NKAIN2: variants seen among roughly 807,000 people sequenced by gnomAD.
NKAIN2 encodes the protein sodium/potassium-transporting ATPase subunit beta-1-interacting protein 2.
Under a neutral mutation model 32.6 loss-of-function variants are expected in NKAIN2, and 14 were observed. The observed-to-expected ratio is 0.43, with a 90% CI of 0.28 to 0.67. NKAIN2 has a LOEUF of 0.67. Ranked by LOEUF, NKAIN2 falls within the 30% of genes least tolerant of loss-of-function variation. The pLI is 0.17. For missense variants in NKAIN2, 198 were observed against 258.3 expected, an observed-to-expected ratio of 0.77 and a Z score of 1.60; for synonymous variants, 80 against 87.2, an observed-to-expected ratio of 0.92 and a Z score of 0.46.
chr6:124,436,803 T>G (rs550521170), intron 3 of NKAIN2, among the ~76,000 whole-genome samples: 2 of 152,296 alleles, frequency 1.3e-5, no homozygotes, highest in South Asian at 4.1e-4. Context: ...TTTGAAAGTT[T>G]AAGCCAGAAC....
At chr6:123,960,290 C>G (rs1012065212) in intron 1 of NKAIN2, among the ~76,000 whole-genome samples, 3 of 152,186 alleles carry the variant, frequency 2.0e-5, no homozygotes, top group Admixed American at 1.3e-4. Flanking sequence ...GCATCCATCT[C>G]CACATTTCCA....
In NKAIN2 at chr6:124,469,211, A is replaced by G. The variant is rs61245912; in HGVS notation, c.273+113864A>G. On this transcript the variant is annotated intron_variant, in intron 3 of 6. Transcript: ENST00000368417. ...ACTGTTGCTTACAAAGTATTCCCTT[A>G]GGTGATTTCTTTCTTTCCTTTTTCT... is the stretch of plus-strand genomic sequence containing the variant. Among the ~76,000 whole-genome samples, 1,459 of 152,282 alleles carry G rather than the reference A, an allele frequency of 9.6e-3. 20 individuals carry two copies. The highest frequency in any genetic ancestry group is 0.033 in the African/African-American group (1,390 of 41,566).
chr6:123,963,437 G>C (rs190122560), intron 1 of NKAIN2, among the ~76,000 whole-genome samples: 118 of 152,284 alleles, frequency 7.7e-4, no homozygotes, highest in Admixed American at 2.8e-3. Context: ...AAAAGCAATT[G>C]TCCAGAGAGT....
At chr6:124,707,448 G>T (rs2114589676) in intron 4 of NKAIN2, among the ~76,000 whole-genome samples, 1 of 150,504 alleles carries the variant, frequency 6.6e-6, no homozygotes, top group African/African-American at 2.5e-5. Context: ...CTAGTTTACA[G>T]TCCCACCAAC....
intron 1 of NKAIN2, among the ~76,000 whole-genome samples, chr6:123,948,710 A>G (rs1289041434): frequency 2.2e-5 from 3 of 139,068 alleles, no homozygotes; most frequent in Admixed American, 7.7e-5. Flanking sequence ...CATTGAGCAG[A>G]TTTTCTCTTT....
At chr6:124,213,834 A>T (rs1791317181) in intron 1 of NKAIN2, among the ~76,000 whole-genome samples, 8 of 152,160 alleles carry the variant, frequency 5.3e-5, no homozygotes, top group Admixed American at 4.6e-4. Flanking sequence ...TAGGATGAAC[A>T]AGTGTATTCC....
rs71021483 is a variant in NKAIN2, at chr6:124,229,533, T to TAGAC, written c.55-53445_55-53442dup. Among the ~76,000 whole-genome samples the TAGAC allele has an allele frequency of 8.8e-4, 131 of 149,170 alleles. 1 individual carries two copies. Among genetic ancestry groups the TAGAC allele is most frequent in the South Asian group, 5.7e-3 (27 of 4,746 alleles). ...ATAGATAGATAGATAGATAGATAGA[T>TAGAC]AGACAGACAGACAGACAGACAGACA... On this transcript the variant is annotated intron_variant, in intron 1 of 6. Transcript: ENST00000368417.
At chr6:124,144,306 G>A (rs1025644131) in intron 1 of NKAIN2, among the ~76,000 whole-genome samples, 3 of 152,128 alleles carry the variant, frequency 2.0e-5, no homozygotes, top group African/African-American at 2.4e-5. Flanking sequence ...CTAACAAGTC[G>A]GACTTCAGAG....
At chr6:124,078,230 A>G (rs1783788719) in intron 1 of NKAIN2, among the ~76,000 whole-genome samples, 1 of 152,182 alleles carries the variant, frequency 6.6e-6, no homozygotes, top group Non-Finnish European at 1.5e-5. Context: ...TTCTGCATGA[A>G]TGGACTATTC....
At chr6:124,079,949 A>T (rs1272761378) in intron 1 of NKAIN2, among the ~76,000 whole-genome samples, 1 of 152,042 alleles carries the variant, frequency 6.6e-6, no homozygotes, top group Non-Finnish European at 1.5e-5. Context: ...GGAAAAAAAA[A>T]AAAGGGAAAA....
chr6:124,625,088 ATCC>A (rs1223120587), intron 3 of NKAIN2, among the ~76,000 whole-genome samples: 1 of 150,532 alleles, frequency 6.6e-6, no homozygotes, highest in Non-Finnish European at 1.5e-5. Flanking sequence ...TTTCTTGAAC[ATCC>A]TCCTCAATAT....
rs55701016 is a variant in NKAIN2, at chr6:124,559,834, A to ATTTTTTT, written c.274-98331_274-98325dup. ...GTGGAAGGCGAGTAAGAAATAAACC[A>ATTTTTTT]TTTTTTTTTTTTTTTTTTTTTTTTT... On this transcript the variant is annotated intron_variant, in intron 3 of 6. Coordinates refer to ENST00000368417, the MANE Select transcript of NKAIN2 (RefSeq NM_001040214.3). Among the ~76,000 whole-genome samples, 14 of 73,762 alleles carry ATTTTTTT rather than the reference A, an allele frequency of 1.9e-4. 1 individual carries two copies. Among genetic ancestry groups the ATTTTTTT allele is most frequent in the African/African-American group, 3.3e-4 (6 of 18,442 alleles). The allele number at this position is 73,762 out of a possible 152,430, so 48.4% of individuals were successfully genotyped here.
chr6:124,184,081 C>G (rs1562407622), intron 1 of NKAIN2, among the ~76,000 whole-genome samples: 1 of 152,068 alleles, frequency 6.6e-6, no homozygotes, highest in Non-Finnish European at 1.5e-5. Flanking sequence ...GTCATTGTCT[C>G]TTATCTTTTA....
intron 3 of NKAIN2, among the ~76,000 whole-genome samples, chr6:124,384,551 G>A (rs1013452212): frequency 4.9e-4 from 74 of 152,286 alleles, no homozygotes; most frequent in African/African-American, 1.5e-3. Flanking sequence ...ATTGAGATGA[G>A]CAAGGCCTAA....
intron 1 of NKAIN2, among the ~76,000 whole-genome samples, chr6:124,051,722 G>A (rs1782410413): frequency 6.6e-6 from 1 of 152,002 alleles, no homozygotes; most frequent in African/African-American, 2.4e-5. Flanking sequence ...AATGAATGGA[G>A]TCAAAATAAT....
rs141214811 is a variant in NKAIN2, at chr6:124,651,698, G to A, written c.274-6488G>A. On this transcript the variant is annotated intron_variant, in intron 3 of 6. Transcript: ENST00000368417. Reference sequence around the variant, plus strand: ...AACACAGGGAACAGAGGCCCAAAGTGGCCCTAGTCAAGGAGCTTGTGGAGG... The same window carrying A: ...AACACAGGGAACAGAGGCCCAAAGTAGCCCTAGTCAAGGAGCTTGTGGAGG... Among the ~76,000 whole-genome samples, 263 of 152,238 alleles carry A rather than the reference G, an allele frequency of 1.7e-3. 1 individual carries two copies. Among genetic ancestry groups the A allele is most frequent in the African/African-American group, 5.9e-3 (246 of 41,546 alleles).
At chr6:124,759,641 ACACACACACACACAC>A (rs1377676664) in intron 4 of NKAIN2, among the ~76,000 whole-genome samples, 99 of 92,916 alleles carry the variant, frequency 1.1e-3, no homozygotes, top group Non-Finnish European at 1.5e-3. Flanking sequence ...ACACACACAC[ACACACACACACACAC>A]CCCCTATCTC....
At chr6:124,043,314 A>G (rs1178067413) in intron 1 of NKAIN2, among the ~76,000 whole-genome samples, 10 of 152,076 alleles carry the variant, frequency 6.6e-5, no homozygotes, top group Admixed American at 6.6e-4. Flanking sequence ...AGACTGTATG[A>G]CAGAGTGAAA....
chr6:124,345,712 G>C (rs1190611199), intron 2 of NKAIN2, among the ~76,000 whole-genome samples: 1 of 151,700 alleles, frequency 6.6e-6, no homozygotes, highest in South Asian at 2.1e-4. Context: ...GCGTCTATTT[G>C]ATTCTTCTCT....
Sources: gnomAD v4.1 joint callset for allele counts (sites outside exome capture counted in the v4.1 genomes callset) on GRCh38, gnomAD v4.1.1 for gene constraint, MANE v1.5 for transcripts, NCBI Gene and HGNC (gene_info 2026-07-23, HGNC 2026-07-21) for gene names.